The following SPAG16 variants were observed in gnomAD, a reference collection of about 807,000 sequenced individuals.
SPAG16 encodes sperm associated antigen 16.
SPAG16 carries 86 observed loss-of-function variants against 80.4 expected under a neutral mutation model. The observed-to-expected ratio is 1.07, with a 90% confidence interval of 0.90 to 1.28. The LOEUF (loss-of-function observed/expected upper bound fraction) is 1.28. Ranked by LOEUF, SPAG16 falls within the 50% of genes most tolerant of loss-of-function variation. The pLI is 0.00. For synonymous variants in SPAG16, 294 were observed against 265.9 expected, an observed-to-expected ratio of 1.11 and a Z score of -1.03; for missense variants, 870 against 765.3, an observed-to-expected ratio of 1.14 and a Z score of -1.61.
intron 10 of SPAG16, among the ~76,000 whole-genome samples, chr2:213,832,329 C>T (rs147635111): frequency 1.3e-5 from 2 of 151,950 alleles, no homozygotes; most frequent in East Asian, 3.9e-4. Context: ...GAACACGATA[C>T]CCCGAAGTAT....
chr2:213,947,485 C>T (rs1010735367), intron 12 of SPAG16, among the ~76,000 whole-genome samples: 6 of 151,954 alleles, frequency 3.9e-5, no homozygotes, highest in Non-Finnish European at 2.9e-5. Context: ...ACCTATATGT[C>T]TTTTTTGGTG....
chr2:214,409,826 T>G (rs1204666093), intron 15 of SPAG16, among the ~76,000 whole-genome samples: 1 of 152,250 alleles, frequency 6.6e-6, no homozygotes, highest in Non-Finnish European at 1.5e-5. Context: ...GCTTTCAATC[T>G]CATCTCCTCG....
intron 10 of SPAG16, among the ~76,000 whole-genome samples, chr2:213,580,515 T>G (rs964938650): frequency 6.6e-6 from 1 of 152,122 alleles, no homozygotes; most frequent in African/African-American, 2.4e-5. Flanking sequence ...GGAAAGTATA[T>G]CTAAGATTTG....
intron 9 of SPAG16, among the ~76,000 whole-genome samples, chr2:213,398,063 T>C (rs905107094): frequency 6.6e-6 from 1 of 152,170 alleles, no homozygotes; most frequent in Admixed American, 6.5e-5. Context: ...GACGTCTCTC[T>C]CTCTCACATC....
intron 10 of SPAG16, among the ~76,000 whole-genome samples, chr2:213,593,414 CTA>C (rs2060775271): frequency 6.6e-6 from 1 of 152,130 alleles, no homozygotes; most frequent in Non-Finnish European, 1.5e-5. Flanking sequence ...ATCCCATCAT[CTA>C]TGTCTCATTT....
At chr2:213,680,292 G>A (rs2064313939) in intron 10 of SPAG16, among the ~76,000 whole-genome samples, 1 of 152,120 alleles carries the variant, frequency 6.6e-6, no homozygotes, top group African/African-American at 2.4e-5. Context: ...TTATCCACAG[G>A]AGCATAATGG....
intron 15 of SPAG16, among the ~76,000 whole-genome samples, chr2:214,179,555 T>C (rs1332146986): frequency 1.3e-5 from 2 of 151,434 alleles, no homozygotes; most frequent in African/African-American, 4.8e-5. Context: ...CCTGTCTTCA[T>C]TTCTTTCTGT....
chr2:213,988,998 G>T (rs2106444148), intron 12 of SPAG16, among the ~76,000 whole-genome samples: 1 of 152,260 alleles, frequency 6.6e-6, no homozygotes, highest in Non-Finnish European at 1.5e-5. Flanking sequence ...GGCAGTGCAA[G>T]GCTGTGCAGC....
intron 9 of SPAG16, among the ~76,000 whole-genome samples, chr2:213,419,285 T>A (rs1026864699): frequency 6.6e-6 from 1 of 152,228 alleles, no homozygotes; most frequent in Non-Finnish European, 1.5e-5. Context: ...TAACTTTCAT[T>A]TCTCAGGACC....
chr2:213,611,942 T>C (rs1053820267), intron 10 of SPAG16, among the ~76,000 whole-genome samples: 3 of 152,186 alleles, frequency 2.0e-5, no homozygotes, highest in Non-Finnish European at 4.4e-5. Flanking sequence ...ACAATCAATA[T>C]TTTTTATGGG....
intron 4 of SPAG16, among the ~76,000 whole-genome samples, chr2:213,314,635 T>C (rs1457448731): frequency 6.6e-6 from 1 of 151,934 alleles, no homozygotes. Context: ...TAATAAATGT[T>C]GTATTTGGAT....
chr2:213,316,904 C>A (rs900828682), intron 4 of SPAG16, among the ~76,000 whole-genome samples: 1 of 151,948 alleles, frequency 6.6e-6, no homozygotes, highest in Non-Finnish European at 1.5e-5. Flanking sequence ...GAACTTATCA[C>A]CCTCCCCACT....
chr2:213,586,668 G>T (rs767136307), intron 10 of SPAG16, among the ~76,000 whole-genome samples: 1 of 152,148 alleles, frequency 6.6e-6, no homozygotes, highest in Non-Finnish European at 1.5e-5. Context: ...ATCTAAATCA[G>T]ATATGGGTGA....
intron 9 of SPAG16, among the ~76,000 whole-genome samples, chr2:213,448,233 C>T (rs796893813): frequency 6.6e-6 from 1 of 152,228 alleles, no homozygotes; most frequent in Non-Finnish European, 1.5e-5. Flanking sequence ...TCTGATTTCT[C>T]TATCACACCA....
At chr2:214,103,256 T>C (rs1196100589) in intron 13 of SPAG16, among the ~76,000 whole-genome samples, 1 of 152,134 alleles carries the variant, frequency 6.6e-6, no homozygotes, top group Non-Finnish European at 1.5e-5. Context: ...AGATTAAATA[T>C]CATTTTTAGA....
At chr2:213,904,689 T>G (rs2106140153) in intron 11 of SPAG16, among the ~76,000 whole-genome samples, 1 of 151,602 alleles carries the variant, frequency 6.6e-6, no homozygotes, top group South Asian at 2.1e-4. Flanking sequence ...TTCTCTGATG[T>G]GTCTTTCTGT....
At chr2:213,934,359 T>G (rs540244422) in intron 12 of SPAG16, among the ~76,000 whole-genome samples, 201 of 152,338 alleles carry the variant, frequency 1.3e-3, no homozygotes, top group African/African-American at 3.4e-3. Flanking sequence ...TATTTTGTTT[T>G]GTTGGTTACC....
chr2:213,369,365 A>C (rs1029249458), intron 8 of SPAG16, among the ~76,000 whole-genome samples: 11 of 152,250 alleles, frequency 7.2e-5, no homozygotes, highest in African/African-American at 2.7e-4. Flanking sequence ...GTGACTGATT[A>C]AAATAAAATT....
chr2:213,507,414 G>A (rs897148856), intron 10 of SPAG16, among the ~76,000 whole-genome samples: 2 of 152,188 alleles, frequency 1.3e-5, no homozygotes, highest in African/African-American at 4.8e-5. Context: ...TACTCAGAAC[G>A]TTGTTCTATG....
Sources: allele counts gnomAD v4.1 joint callset (sites outside exome capture counted in the v4.1 genomes callset), GRCh38; gene constraint gnomAD v4.1.1; transcripts MANE v1.5; gene names NCBI Gene and HGNC (gene_info 2026-07-23, HGNC 2026-07-21).